TNFRSF21: variants seen among roughly 807,000 people sequenced by gnomAD.
TNFRSF21 encodes the protein TNF receptor superfamily member 21.
In TNFRSF21, 19 loss-of-function variants were observed where a neutral mutation model predicts 45.6. The ratio of observed to expected loss-of-function variants is 0.42; its 90% CI spans 0.29 to 0.61. The LOEUF (loss-of-function observed/expected upper bound fraction) is 0.61, where lower values mean the gene tolerates loss of function less well. Ranked by LOEUF, TNFRSF21 falls within the 20% of genes least tolerant of loss-of-function variation. The probability of loss-of-function intolerance (pLI) is 0.23; values close to 1 mark genes in which losing one functional copy is unlikely to be tolerated. For missense variants in TNFRSF21, 737 were observed against 851.5 expected (o/e 0.87, Z 1.67); for synonymous variants, 314 against 335.5 (o/e 0.94, Z 0.70).
chr6:47,293,822 C>G (rs1283378558), intron 1 of TNFRSF21, among the ~76,000 whole-genome samples: 1 of 152,346 alleles, frequency 6.6e-6, no homozygotes, highest in East Asian at 1.9e-4. Flanking sequence ...TCCCTGACCA[C>G]CTCTCCACTA....
chr6:47,239,475 T>C (rs1200695368), intron 4 of TNFRSF21, among the ~76,000 whole-genome samples: 1 of 152,028 alleles, frequency 6.6e-6, no homozygotes, highest in Non-Finnish European at 1.5e-5. Context: ...CCTTCCAAAT[T>C]TTATTCATGA....
At chr6:47,256,659 T>A (rs1348502463) in intron 3 of TNFRSF21, among the ~76,000 whole-genome samples, 1 of 152,238 alleles carries the variant, frequency 6.6e-6, no homozygotes, top group Non-Finnish European at 1.5e-5. Flanking sequence ...CAATGTTTAG[T>A]CAGATACAGA....
At chr6:47,256,721 A>AAGTT (rs1449743538) in intron 3 of TNFRSF21, among the ~76,000 whole-genome samples, 3 of 152,190 alleles carry the variant, frequency 2.0e-5, no homozygotes, top group Non-Finnish European at 4.4e-5. Context: ...ACTGATTTTA[A>AAGTT]ACCCTGCAGG....
chr6:47,261,898 C>A (rs1212920202), intron 3 of TNFRSF21, among the ~76,000 whole-genome samples: 1 of 152,172 alleles, frequency 6.6e-6, no homozygotes, highest in Non-Finnish European at 1.5e-5. Context: ...ATTTGTATAC[C>A]AACAGCAGTA....
intron 1 of TNFRSF21, among the ~76,000 whole-genome samples, chr6:47,306,170 T>C (rs1439887791): frequency 6.6e-6 from 1 of 152,204 alleles, no homozygotes; most frequent in East Asian, 1.9e-4. Context: ...CTCTTGTCTT[T>C]CAGTGTATGT....
intron 4 of TNFRSF21, among the ~76,000 whole-genome samples, chr6:47,248,955 G>T (rs186804671): frequency 1.3e-5 from 2 of 152,180 alleles, no homozygotes; most frequent in Non-Finnish European, 2.9e-5. Context: ...GGACAGGCAC[G>T]CATGTTGTTC....
intron 3 of TNFRSF21, among the ~76,000 whole-genome samples, chr6:47,275,928 GCCAGTGTTTTT>G (rs1183850607): frequency 6.6e-6 from 1 of 152,086 alleles, no homozygotes; most frequent in African/African-American, 2.4e-5. Flanking sequence ...GACCCCTCAG[GCCAGTGTTTTT>G]CCTGATAGAC....
chr6:47,272,202 C>T (rs1176284991), intron 3 of TNFRSF21, among the ~76,000 whole-genome samples: 3 of 151,626 alleles, frequency 2.0e-5, no homozygotes, highest in Non-Finnish European at 4.4e-5. Context: ...CCCAAATCAA[C>T]AGAATATACA....
rs1277872264 is a variant in TNFRSF21 at position 47,287,097 on chromosome 6, C to T, written c.97-502G>A. On this transcript the variant is annotated intron_variant, in intron 1 of 5. Transcript: ENST00000296861. ...CTAAGGCACGCAGATCACCTGAGGT[C>T]AGGTGTTCGAGACCAGCCTGGCTGA... 2.0e-5 allele frequency among the ~76,000 whole-genome samples: 3 copies of T among 151,998 alleles called. No individual in the cohort carries two copies. In the East Asian group the frequency reaches 5.8e-4, roughly 29 times the overall value.
intron 3 of TNFRSF21, among the ~76,000 whole-genome samples, chr6:47,259,399 TCA>T (rs1765037770): frequency 6.6e-6 from 1 of 151,038 alleles, no homozygotes; most frequent in African/African-American, 2.4e-5. Context: ...AGACGGAGTC[TCA>T]CTCAGTCACC....
In TNFRSF21 at chr6:47,231,936, C is replaced by A. The variant is rs1185715704; in HGVS notation, c.*829G>T. On this transcript the variant is annotated 3_prime_UTR_variant, in exon 6 of 6. Transcript: ENST00000296861. ...TGCAGCAATGTGTTCCAGAACAGCT[C>A]AAATCCTAAAAGGTGAAGTTCAAGT... 6.6e-6 allele frequency: 1 copy of A among 152,652 alleles called. No individual in the cohort carries two copies. Among genetic ancestry groups the A allele is most frequent in the Non-Finnish European group, 1.5e-5 (1 of 68,050 alleles). The allele number at this position is 152,652 out of a possible 1,614,324, so 9.5% of individuals were successfully genotyped here. A position where few individuals can be genotyped will look rare whatever the true frequency, so the allele number is the denominator to read the frequency against.
chr6:47,286,175 G>A lies in TNFRSF21; in HGVS notation c.517C>T (p.Arg173Trp), dbSNP rs767858868. 133 of 1,614,170 alleles carry A rather than the reference G, an allele frequency of 8.2e-5. 1 individual carries two copies. Among genetic ancestry groups the A allele is most frequent in the Non-Finnish European group, 1.1e-4 (129 of 1,180,028 alleles). ...GAAGGCACATCTGAGAAGGTACCCCGAGCACACTGCTTACACCGCACATCC... is the reference window on the plus strand; with the variant it reads ...GAAGGCACATCTGAGAAGGTACCCCAAGCACACTGCTTACACCGCACATCC... ...TEDVRCKQCA[R>W]GTFSDVPSSV... is the part of the protein sequence containing the mutation. Residue 173 changes from arginine to tryptophan, a missense_variant, in exon 2 of 6, where the codon CGG (arginine) becomes TGG (tryptophan). Transcript: ENST00000296861.
At chr6:47,239,235 G>T (rs760287420) in intron 4 of TNFRSF21, among the ~76,000 whole-genome samples, 1 of 141,210 alleles carries the variant, frequency 7.1e-6, no homozygotes, top group African/African-American at 2.7e-5. Context: ...GCAGTGAGGC[G>T]AGATCACGCC....
chr6:47,247,534 G>C (rs1488019552), intron 4 of TNFRSF21, among the ~76,000 whole-genome samples: 2 of 152,236 alleles, frequency 1.3e-5, no homozygotes, highest in East Asian at 3.8e-4. Flanking sequence ...CGTCCTCACT[G>C]TATTAAATTT....
intron 1 of TNFRSF21, among the ~76,000 whole-genome samples, chr6:47,291,563 A>G (rs1396241200): frequency 6.6e-6 from 1 of 152,186 alleles, no homozygotes; most frequent in African/African-American, 2.4e-5. Context: ...GGAAGAAATC[A>G]GTGGTTTTCA....
chr6:47,295,230 A>G (rs866656769), intron 1 of TNFRSF21, among the ~76,000 whole-genome samples: 19 of 152,208 alleles, frequency 1.2e-4, no homozygotes, highest in African/African-American at 4.6e-4. Context: ...TAAGGACAAG[A>G]AGCACTCAGA....
Position 47,276,009 on chromosome 6 carries a change from A to C in TNFRSF21, c.1243+7929T>G, listed in dbSNP as rs1257496523. Among the ~76,000 whole-genome samples the C allele has an allele frequency of 2.0e-5, 3 of 152,160 alleles. No individual in the cohort carries two copies. The East Asian group carries it at 5.8e-4, about 29-fold the overall frequency. On this transcript the variant is annotated intron_variant, in intron 3 of 5. Coordinates refer to ENST00000296861, the MANE Select transcript of TNFRSF21 (RefSeq NM_014452.5). ...CAGATAAATTGTCACACTGATCAAA[A>C]TCTGGTGGCCCTTCTGTGATGGGTT...
At chr6:47,305,282 T>C (rs1743014121) in intron 1 of TNFRSF21, among the ~76,000 whole-genome samples, 1 of 152,120 alleles carries the variant, frequency 6.6e-6, no homozygotes, top group African/African-American at 2.4e-5. Context: ...AGTGCCTCAC[T>C]TAGAAAGGGT....
chr6:47,294,861 A>C (rs1762773381), intron 1 of TNFRSF21, among the ~76,000 whole-genome samples: 1 of 152,210 alleles, frequency 6.6e-6, no homozygotes, highest in Admixed American at 6.5e-5. Context: ...AAAAGATGAT[A>C]CTAACTTGGT....
Sources: gnomAD v4.1 joint callset for allele counts (sites outside exome capture counted in the v4.1 genomes callset) on GRCh38, gnomAD v4.1.1 for gene constraint, MANE v1.5 for transcripts, NCBI Gene and HGNC (gene_info 2026-07-23, HGNC 2026-07-21) for gene names.